The following KCNQ5 variants were observed in gnomAD, a reference collection of about 807,000 sequenced individuals.
KCNQ5 encodes potassium voltage-gated channel subfamily Q member 5.
KCNQ5 carries 30 observed loss-of-function variants against 98.2 expected under a neutral mutation model. The ratio of observed to expected loss-of-function variants is 0.31; its 90% confidence interval spans 0.23 to 0.41. The LOEUF is 0.41. KCNQ5 is among the 10% of genes least tolerant of loss of function. The pLI is 1.00. For synonymous variants in KCNQ5, 458 were observed against 449.4 expected (o/e 1.02, Z -0.24); for missense variants, 835 against 1,182.5 (o/e 0.71, Z 4.31).
At chr6:72,765,777 T>C (rs1265295464) in intron 1 of KCNQ5, among the ~76,000 whole-genome samples, 1 of 152,046 alleles carries the variant, frequency 6.6e-6, no homozygotes, top group Non-Finnish European at 1.5e-5. Flanking sequence ...TTGATCTGAT[T>C]TGTATGTATA....
At chr6:72,693,018 A>T (rs1768290370) in intron 1 of KCNQ5, among the ~76,000 whole-genome samples, 1 of 152,154 alleles carries the variant, frequency 6.6e-6, no homozygotes, top group South Asian at 2.1e-4. Context: ...ATTATTTTTT[A>T]AAAAGAATAT....
chr6:73,063,718 A>G (rs201221616), intron 3 of KCNQ5, among the ~76,000 whole-genome samples: 1 of 94,248 alleles, frequency 1.1e-5, no homozygotes. Flanking sequence ...ATAGATAGAT[A>G]GATGATAGAT....
At chr6:73,140,782 A>T (rs1471203303) in intron 10 of KCNQ5, among the ~76,000 whole-genome samples, 1 of 152,192 alleles carries the variant, frequency 6.6e-6, no homozygotes, top group Non-Finnish European at 1.5e-5. Context: ...TACTTCCTTA[A>T]CTTATTGGTA....
intron 1 of KCNQ5, among the ~76,000 whole-genome samples, chr6:72,899,846 TTC>T (rs1779410344): frequency 6.6e-6 from 1 of 151,852 alleles, no homozygotes; most frequent in Admixed American, 6.6e-5. Context: ...GTATCATTCT[TTC>T]TCTTTTTTTT....
chr6:73,028,844 A>G (rs1771006402), intron 2 of KCNQ5, among the ~76,000 whole-genome samples: 1 of 152,214 alleles, frequency 6.6e-6, no homozygotes, highest in Non-Finnish European at 1.5e-5. Flanking sequence ...AAGTACTACC[A>G]TGGTCTCCAA....
chr6:72,863,377 C>A (rs1235819252), intron 1 of KCNQ5, among the ~76,000 whole-genome samples: 1 of 152,212 alleles, frequency 6.6e-6, no homozygotes, highest in African/African-American at 2.4e-5. Context: ...AAATCACACT[C>A]ACTTTAGAAA....
At chr6:73,115,074 T>TG (rs1036461335) in intron 7 of KCNQ5, among the ~76,000 whole-genome samples, 4 of 151,652 alleles carry the variant, frequency 2.6e-5, no homozygotes, top group Non-Finnish European at 5.9e-5. Context: ...GAGGGCAAGG[T>TG]GGGAGGATTG....
chr6:72,907,171 C>T (rs1424600662), intron 1 of KCNQ5, among the ~76,000 whole-genome samples: 4 of 152,088 alleles, frequency 2.6e-5, no homozygotes, highest in African/African-American at 9.6e-5. Context: ...AGTCTACCCC[C>T]GGAGAGGAGG....
chr6:72,968,825 G>A (rs1767739892), intron 1 of KCNQ5, among the ~76,000 whole-genome samples: 1 of 152,156 alleles, frequency 6.6e-6, no homozygotes, highest in East Asian at 1.9e-4. Flanking sequence ...AAGCATCAAA[G>A]TCAACCTACA....
chr6:72,969,793 A>G (rs568807103), intron 1 of KCNQ5, among the ~76,000 whole-genome samples: 216 of 152,168 alleles, frequency 1.4e-3, no homozygotes, highest in African/African-American at 5.1e-3. Flanking sequence ...ATCTATCCCT[A>G]TTTCTGTTAC....
At chr6:72,691,215 A>G (rs1768198142) in intron 1 of KCNQ5, among the ~76,000 whole-genome samples, 1 of 152,220 alleles carries the variant, frequency 6.6e-6, no homozygotes, top group African/African-American at 2.4e-5. Context: ...TCCTCTCCAT[A>G]GCCTCAATAA....
chr6:73,075,987 G>A (rs1773524042), intron 3 of KCNQ5, among the ~76,000 whole-genome samples: 1 of 152,174 alleles, frequency 6.6e-6, no homozygotes, highest in Non-Finnish European at 1.5e-5. Context: ...GCTCATGCCA[G>A]TGCACTCCAG....
At chr6:73,122,108 C>A (rs891624710) in intron 8 of KCNQ5, among the ~76,000 whole-genome samples, 3 of 152,124 alleles carry the variant, frequency 2.0e-5, no homozygotes, top group African/African-American at 7.2e-5. Flanking sequence ...TATTAAAAAA[C>A]CGAAAATAGA....
Position 72,622,541 on chromosome 6 carries a change from G to C in KCNQ5, c.352G>C (p.Val118Leu). The stretch of plus-strand genomic sequence containing the variant: ...GCGGGTGCAGAACTACCTGTACAAC[G>C]TGCTGGAGAGACCCCGCGGCTGGGC... Reference protein sequence around the residue: ...YRRVQNYLYNVLERPRGWAFI... With the variant: ...YRRVQNYLYNLLERPRGWAFI... Residue 118 changes from valine (V) to leucine (L), a missense_variant, in exon 1 of 14, where the codon GTG becomes CTG. Physicochemically the swap from Val to Leu is conservative, Grantham distance 32 (BLOSUM62 1). Around this residue, in one of 10 missense-constraint regions of KCNQ5, gnomAD observed 19 missense variants for 29.6 expected, o/e 0.64. Transcript: ENST00000370398. This position sits in a 1 kb window ranked among gnomAD's most constrained non-coding sequence, Gnocchi z 6.0. The C allele has an allele frequency of 6.2e-7, 1 of 1,611,876 alleles. No homozygotes were observed. Among genetic ancestry groups the C allele is most frequent in the Non-Finnish European group, 8.5e-7 (1 of 1,179,358 alleles).
chr6:72,644,736 C>CT (rs1765499251), intron 1 of KCNQ5, among the ~76,000 whole-genome samples: 2 of 152,196 alleles, frequency 1.3e-5, no homozygotes. Context: ...CCCTACATGA[C>CT]TTTTTTACTG....
At chr6:73,002,151 TA>T (rs1328608788) in intron 1 of KCNQ5, among the ~76,000 whole-genome samples, 1 of 152,012 alleles carries the variant, frequency 6.6e-6, no homozygotes, top group East Asian at 1.9e-4. Context: ...AAATGAAAAA[TA>T]AAAAAGCATG....
At chr6:73,043,150 G>T (rs1460554381) in intron 3 of KCNQ5, 7 of 455,438 alleles carry the variant, frequency 1.5e-5, no homozygotes, top group African/African-American at 8.0e-5. Flanking sequence ...ATTTAAGGAA[G>T]AAAGTGTATC....
chr6:72,622,984 T>A lies in KCNQ5; in HGVS notation c.398+397T>A, dbSNP rs1238026127. ...CAGGCGCCCGTGTGAGGCTTGAGAG[T>A]ATACTGGAGAGGTTAGGAGGTGATG... On this transcript the variant is annotated intron_variant, in intron 1 of 13. Transcript: ENST00000370398. This position sits in a 1 kb window ranked among gnomAD's most constrained non-coding sequence, Gnocchi z 6.0. Among the ~76,000 whole-genome samples the A allele has an allele frequency of 1.3e-5, 2 of 151,082 alleles. No individual in the cohort carries two copies. The highest frequency in any genetic ancestry group is 4.9e-5 in the African/African-American group (2 of 41,062).
At chr6:72,659,577 T>C (rs368568764) in intron 1 of KCNQ5, among the ~76,000 whole-genome samples, 2 of 152,328 alleles carry the variant, frequency 1.3e-5, no homozygotes, top group East Asian at 3.9e-4. Flanking sequence ...GATGGTGCCT[T>C]GTTACAGCGT....
Sources: gnomAD v4.1 joint callset for allele counts (sites outside exome capture counted in the v4.1 genomes callset) on GRCh38, gnomAD v4.1.1 for gene constraint, gnomAD v4.1.1 regional missense constraint, Gnocchi (gnomAD v3.1) non-coding constraint, MANE v1.5 for transcripts, NCBI Gene and HGNC (gene_info 2026-07-23, HGNC 2026-07-21) for gene names.